The following FOXK1 variants were observed in gnomAD, a reference collection of about 807,000 sequenced individuals.
FOXK1 encodes the protein forkhead box protein K1.
FOXK1 carries 19 observed loss-of-function variants against 51.9 expected under a neutral mutation model. That is an observed-to-expected ratio of 0.37 (90% CI 0.26 to 0.54). FOXK1 has a LOEUF of 0.54. Ranked by LOEUF, FOXK1 falls within the 20% of genes least tolerant of loss-of-function variation. The probability of loss-of-function intolerance (pLI) is 0.87; values close to 1 mark genes in which losing one functional copy is unlikely to be tolerated. For missense variants in FOXK1, 870 were observed against 1,032.7 expected (o/e 0.84, Z 2.16); for synonymous variants, 537 against 482.6 (o/e 1.11, Z -1.48).
Position 4,734,602 on chromosome 7 carries a change from C to T in FOXK1, c.561-6236C>T, listed in dbSNP as rs1014321433. Among the ~76,000 whole-genome samples, 3 of 152,164 alleles carry T rather than the reference C, an allele frequency of 2.0e-5. No homozygotes were observed. The highest frequency in any genetic ancestry group is 2.1e-4 in the South Asian group (1 of 4,834). On this transcript the variant is annotated intron_variant, in intron 1 of 8. Transcript: ENST00000328914. The surrounding 1 kb of genome is among the most constrained non-coding windows in gnomAD (Gnocchi z 5.2). Reference sequence around the variant, plus strand: ...CCAAGTGTGCGTGGGCATCGGTGCACGGGGCTCCCTCCCTGGGGCTTCATG... The same window carrying T: ...CCAAGTGTGCGTGGGCATCGGTGCATGGGGCTCCCTCCCTGGGGCTTCATG...
rs1487172103 is a variant in FOXK1 at position 4,706,022 on chromosome 7, ACG to A, written c.560+23155_560+23156del. ...TATATACGTATATATACGTATATAT[ACG>A]TGTATATACGTGTATATACGTGTAT... On this transcript the variant is annotated intron_variant, in intron 1 of 8. Transcript: ENST00000328914. Among the ~76,000 whole-genome samples the A allele has an allele frequency of 1.3e-4, 14 of 103,758 alleles. 1 individual carries two copies. Among genetic ancestry groups the A allele is most frequent in the African/African-American group, 8.9e-4 (11 of 12,380 alleles). The allele number at this position is 103,758 out of a possible 152,430, so 68.1% of individuals were successfully genotyped here.
intron 1 of FOXK1, among the ~76,000 whole-genome samples, chr7:4,706,444 A>G (rs1780103488): frequency 6.6e-6 from 1 of 152,186 alleles, no homozygotes; most frequent in African/African-American, 2.4e-5. Context: ...CCAGGAATGC[A>G]GGCCTCTGGC....
chr7:4,694,872 T>C (rs1583181979), intron 1 of FOXK1, among the ~76,000 whole-genome samples: 1 of 152,210 alleles, frequency 6.6e-6, no homozygotes, highest in Non-Finnish European at 1.5e-5. Context: ...ATTAGTCGTC[T>C]ACCTTCCCAG....
At position 4,738,015 on chromosome 7, in the gene FOXK1, G is replaced by A. The variant is rs187478062; in HGVS notation, c.561-2823G>A. 4.8e-3 allele frequency among the ~76,000 whole-genome samples: 735 copies of A among 151,988 alleles called. 1 individual carries two copies. Among genetic ancestry groups the A allele is most frequent in the Non-Finnish European group, 8.1e-3 (550 of 67,978 alleles). On this transcript the variant is annotated intron_variant, in intron 1 of 8. Transcript: ENST00000328914. ...CGCATGCCTGTAGTCCCAGCTACTC[G>A]GGAGGCTGAGGCAGGAGAATCACTT...
chr7:4,693,222 G>C (rs1269659087), intron 1 of FOXK1, among the ~76,000 whole-genome samples: 1 of 152,120 alleles, frequency 6.6e-6, no homozygotes, highest in Non-Finnish European at 1.5e-5. Context: ...GTTTTATCCT[G>C]AGGTTCAGCT....
intron 1 of FOXK1, among the ~76,000 whole-genome samples, chr7:4,708,810 A>G (rs1780138099): frequency 6.6e-6 from 1 of 152,198 alleles, no homozygotes; most frequent in African/African-American, 2.4e-5. Flanking sequence ...CACGCCTGTA[A>G]TCCCAGCACT....
chr7:4,739,768 G>T (rs186195363), intron 1 of FOXK1, among the ~76,000 whole-genome samples: 1 of 152,236 alleles, frequency 6.6e-6, no homozygotes, highest in Non-Finnish European at 1.5e-5. Flanking sequence ...TCCGTTGTCA[G>T]ATCTTCTAGG....
rs1245782090 is a variant in FOXK1, at chr7:4,740,693, T to G, written c.561-145T>G. 78 of 716,206 alleles carry G rather than the reference T, an allele frequency of 1.1e-4. 2 individuals carry two copies. In the South Asian group the frequency reaches 1.5e-3, roughly 14 times the overall value. 44.4% of individuals were successfully genotyped at this position (716,206 alleles called of 1,614,324 possible). A position where few individuals can be genotyped will look rare whatever the true frequency, so the allele number is the denominator to read the frequency against. On this transcript the variant is annotated intron_variant, in intron 1 of 8. Transcript: ENST00000328914. ...AAGTCTCAGTTCCTAAGTGTCCTGATAAAAGCATCGAAACTGCTCTCTGGG... is the reference window on the plus strand; with the variant it reads ...AAGTCTCAGTTCCTAAGTGTCCTGAGAAAAGCATCGAAACTGCTCTCTGGG...
chr7:4,754,562 G>T lies in FOXK1; in HGVS notation c.850G>T (p.Ala284Ser). The change falls in exon 3 of 9, where the codon GCA becomes TCA. Residue 284 changes from alanine to serine, a missense_variant. Around this residue, in one of 3 missense-constraint regions of FOXK1, gnomAD observed 399 missense variants for 475.6 expected, o/e 0.84. Transcript: ENST00000328914. ...CCTGCAGCTGGCAGCAGAGTTTGCA[G>T]CAAAGGCCGCGTCGGAGCAGCAGGC... is the stretch of plus-strand genomic sequence containing the variant. Reference protein sequence around the residue: ...SDLQLAAEFAAKAASEQQADT... With the variant: ...SDLQLAAEFASKAASEQQADT... 1 of 1,610,106 alleles carries T rather than the reference G, an allele frequency of 6.2e-7. No individual in the cohort carries two copies. The highest frequency in any genetic ancestry group is 8.5e-7 in the Non-Finnish European group (1 of 1,180,020).
Position 4,765,977 on chromosome 7 carries a change from A to G in FOXK1, c.*3513A>G, listed in dbSNP as rs1412737096. The G allele has an allele frequency of 1.3e-5, 2 of 152,232 alleles. No homozygotes were observed. Among genetic ancestry groups the G allele is most frequent in the African/African-American group, 4.8e-5 (2 of 41,426 alleles). The allele number at this position is 152,232 out of a possible 1,614,324, so 9.4% of individuals were successfully genotyped here. A position where few individuals can be genotyped will look rare whatever the true frequency, so the allele number is the denominator to read the frequency against. On this transcript the variant is annotated 3_prime_UTR_variant, in exon 9 of 9. Transcript: ENST00000328914. Reference sequence around the variant, plus strand: ...TCTGCCACCAGCCCAGTGTCCACGGAGCCGCGGGGCCAGAGGAGCTCAGGG... The same window carrying G: ...TCTGCCACCAGCCCAGTGTCCACGGGGCCGCGGGGCCAGAGGAGCTCAGGG...
At position 4,729,550 on chromosome 7, in the gene FOXK1, G is replaced by A. The variant is rs1471769857; in HGVS notation, c.561-11288G>A. Among the ~76,000 whole-genome samples the A allele has an allele frequency of 7.9e-5, 12 of 152,188 alleles. No individual in the cohort carries two copies. The highest frequency in any genetic ancestry group is 9.7e-5 in the African/African-American group (4 of 41,448). The stretch of plus-strand genomic sequence containing the variant: ...CTGCCGGGCCCCGGGAGCCCCACCC[G>A]GCAGGACACACACCTGAGCCCCAGG... On this transcript the variant is annotated intron_variant, in intron 1 of 8. Coordinates refer to ENST00000328914, the MANE Select transcript of FOXK1 (RefSeq NM_001037165.2). The surrounding 1 kb of genome is among the most constrained non-coding windows in gnomAD (Gnocchi z 6.2).
At position 4,741,618 on chromosome 7, in the gene FOXK1, A is replaced by G. The variant is rs1274762134; in HGVS notation, c.746+595A>G. Among the ~76,000 whole-genome samples the G allele has an allele frequency of 3.3e-5, 5 of 152,256 alleles. No homozygotes were observed. The East Asian group carries it at 7.7e-4, about 23-fold the overall frequency. On this transcript the variant is annotated intron_variant, in intron 2 of 8. Coordinates refer to ENST00000328914, the MANE Select transcript of FOXK1 (RefSeq NM_001037165.2). ...AGTGCTGGGATTACAGGCGTGAGCC[A>G]CCGCGCACGGCTGAAAATGTTTTAA...
At chr7:4,732,408 T>C (rs1780489920) in intron 1 of FOXK1, among the ~76,000 whole-genome samples, 1 of 152,196 alleles carries the variant, frequency 6.6e-6, no homozygotes, top group Admixed American at 6.5e-5. Flanking sequence ...TCTTCCCTCC[T>C]CAGCCTCCCA....
intron 1 of FOXK1, among the ~76,000 whole-genome samples, chr7:4,728,730 G>GAAAAA (rs67143977): frequency 2.9e-4 from 30 of 103,718 alleles, no homozygotes; most frequent in South Asian, 1.0e-3. Flanking sequence ...GTCTCTTTTT[G>GAAAAA]AAAAAAAAAA....
intron 1 of FOXK1, among the ~76,000 whole-genome samples, chr7:4,716,071 A>G (rs559334441): frequency 6.6e-6 from 1 of 152,212 alleles, no homozygotes; most frequent in South Asian, 2.1e-4. Flanking sequence ...GTCTCTACAA[A>G]TTAGACAGGC....
In FOXK1 at chr7:4,735,337, C is replaced by G. The variant is rs1383315936; in HGVS notation, c.561-5501C>G. ...GTGGGAGCTTTTGGGCAAGAATTCT[C>G]CCCAAAAACAGCTTGCCTGAGATCG... On this transcript the variant is annotated intron_variant, in intron 1 of 8. Transcript: ENST00000328914. This position sits in a 1 kb window ranked among gnomAD's most constrained non-coding sequence, Gnocchi z 4.7. Among the ~76,000 whole-genome samples the G allele has an allele frequency of 6.6e-6, 1 of 152,174 alleles. No individual in the cohort carries two copies. The highest frequency in any genetic ancestry group is 1.5e-5 in the Non-Finnish European group (1 of 68,032).
chr7:4,685,087 A>G (rs1329448331), intron 1 of FOXK1, among the ~76,000 whole-genome samples: 2 of 151,746 alleles, frequency 1.3e-5, no homozygotes, highest in Non-Finnish European at 2.9e-5. Context: ...GTCTGTTTTT[A>G]TTTGACTTCA....
intron 1 of FOXK1, among the ~76,000 whole-genome samples, chr7:4,699,370 G>C (rs899626983): frequency 4.8e-5 from 7 of 147,132 alleles, no homozygotes; most frequent in Non-Finnish European, 1.0e-4. Context: ...TTATCCACAG[G>C]GTTAGGTTTT....
intron 1 of FOXK1, 90 bp from the exon 2 acceptor site, chr7:4,740,748 C>T (rs1041056108): frequency 8.2e-6 from 11 of 1,340,352 alleles, no homozygotes; most frequent in Non-Finnish European, 1.1e-5. Context: ...GGTCCAGTTA[C>T]TTAGACACAC....
Sources: gnomAD v4.1 joint callset for allele counts (sites outside exome capture counted in the v4.1 genomes callset) on GRCh38, gnomAD v4.1.1 for gene constraint, gnomAD v4.1.1 regional missense constraint, Gnocchi (gnomAD v3.1) non-coding constraint, MANE v1.5 for transcripts, NCBI Gene and HGNC (gene_info 2026-07-23, HGNC 2026-07-21) for gene names.